The following INSL6 variants were observed in gnomAD, a reference collection of about 807,000 sequenced individuals.
INSL6 encodes the protein insulin-like peptide INSL6.
Under a neutral mutation model 9.4 loss-of-function variants are expected in INSL6, and 16 were observed. The observed-to-expected ratio is 1.70, with a 90% CI of 1.15 to 2.59. The LOEUF (loss-of-function observed/expected upper bound fraction) is 2.59. Ranked by LOEUF, INSL6 falls within the 30% of genes most tolerant of loss-of-function variation. INSL6 has a pLI of 0.00. For missense variants in INSL6, 391 were observed against 257.3 expected, an observed-to-expected ratio of 1.52 and a Z score of -3.56; for synonymous variants, 154 against 96.9, an observed-to-expected ratio of 1.59 and a Z score of -3.46.
At chr9:5,100,333 T>C in the INSL6 span, 1 of 152,222 alleles carries the variant, frequency 6.6e-6, no homozygotes, top group African/African-American at 2.4e-5. Context: ...GGCCTGGCCA[T>C]GTGATTTCAC....
chr9:5,034,465 C>A, the INSL6 span, among the ~76,000 whole-genome samples: 1 of 152,040 alleles, frequency 6.6e-6, no homozygotes, highest in Admixed American at 6.6e-5. Context: ...ACACCTATTC[C>A]AAAATTGACC....
At chr9:5,113,736 C>G in the INSL6 span, 1 of 167,168 alleles carries the variant, frequency 6.0e-6, no homozygotes, top group Non-Finnish European at 1.4e-5. Flanking sequence ...CTCACGCCCT[C>G]TGGCCATTAC....
intron 2 of INSL6, among the ~76,000 whole-genome samples, chr9:5,152,721 A>T (rs892162419): frequency 1.3e-5 from 2 of 152,218 alleles, no homozygotes; most frequent in African/African-American, 4.8e-5. Flanking sequence ...CAGTAAAGGC[A>T]AAAGGTGATG....
the INSL6 span, among the ~76,000 whole-genome samples, chr9:5,092,953 G>C: frequency 2.0e-5 from 3 of 152,100 alleles, no homozygotes; most frequent in Admixed American, 1.3e-4. Context: ...AAATAACATC[G>C]CCATAGTTGG....
At chr9:5,070,400 G>GA in the INSL6 span, among the ~76,000 whole-genome samples, 1,065 of 151,946 alleles carry the variant, frequency 7.0e-3, 10 homozygotes, top group African/African-American at 0.025. Flanking sequence ...AAGAAACTGA[G>GA]AAAAAAATCC....
chr9:5,092,639 C>G, the INSL6 span, among the ~76,000 whole-genome samples: 624 of 152,258 alleles, frequency 4.1e-3, 3 homozygotes, highest in African/African-American at 0.014. Context: ...GCCCTTATAC[C>G]TTCTGCATAA....
At chr9:5,078,460 AT>A in the INSL6 span, 1 of 1,601,062 alleles carries the variant, frequency 6.2e-7, no homozygotes, top group Middle Eastern at 1.7e-4. Context: ...TTCTAGAAGG[AT>A]TATATATAAT....
At chr9:4,993,810 G>C in the INSL6 span, among the ~76,000 whole-genome samples, 1 of 152,216 alleles carries the variant, frequency 6.6e-6, no homozygotes, top group African/African-American at 2.4e-5. Context: ...TGGATTCCTG[G>C]CTGGGGCCAC....
At chr9:5,067,783 T>C in the INSL6 span, among the ~76,000 whole-genome samples, 1 of 152,124 alleles carries the variant, frequency 6.6e-6, no homozygotes, top group African/African-American at 2.4e-5. Flanking sequence ...TTTTCAAATA[T>C]ACAAAAAATT....
chr9:5,110,782 G>C, the INSL6 span: 2 of 401,032 alleles, frequency 5.0e-6, no homozygotes, highest in South Asian at 4.0e-5. Flanking sequence ...AGTGGTAAGG[G>C]CCCGGGCCAC....
the INSL6 span, among the ~76,000 whole-genome samples, chr9:4,998,052 C>A: frequency 1.3e-5 from 2 of 152,082 alleles, no homozygotes; most frequent in Non-Finnish European, 2.9e-5. Context: ...CTGATTTAAA[C>A]AACTTCTAGA....
At position 5,158,793 on chromosome 9, in the gene INSL6, GA is replaced by G. The variant is rs1375530373; in HGVS notation, c.376+5385del. ...AGAAAAGGATGTTAATGACCAGGAA[GA>G]AATCATCTGAACATACAACACTAAC... On this transcript the variant is annotated intron_variant, in intron 2 of 3. Transcript: ENST00000649639. 2.6e-5 allele frequency among the ~76,000 whole-genome samples: 4 copies of G among 152,074 alleles called. No individual in the cohort carries two copies. The East Asian group carries it at 7.7e-4, about 29-fold the overall frequency.
At chr9:5,023,000 T>G in the INSL6 span, among the ~76,000 whole-genome samples, 2 of 149,686 alleles carry the variant, frequency 1.3e-5, no homozygotes, top group East Asian at 3.8e-4. Flanking sequence ...TAACTGTAAG[T>G]TGGAGGAAGC....
intron 1 of INSL6, among the ~76,000 whole-genome samples, chr9:5,184,885 A>G (rs1825533549): frequency 6.6e-6 from 1 of 152,142 alleles, no homozygotes; most frequent in Non-Finnish European, 1.5e-5. Flanking sequence ...TATCTTCTAC[A>G]AGGTTGGGCT....
At chr9:5,129,572 G>GT (rs1824210938) in intron 3 of INSL6, among the ~76,000 whole-genome samples, 1 of 152,064 alleles carries the variant, frequency 6.6e-6, no homozygotes, top group South Asian at 2.1e-4. Context: ...AATAGTAACA[G>GT]TAAGTCAGCA....
chr9:5,183,774 G>GA (rs368352633), intron 1 of INSL6, among the ~76,000 whole-genome samples: 29 of 146,106 alleles, frequency 2.0e-4, no homozygotes, highest in South Asian at 8.7e-4. Context: ...GAGTTTAAAA[G>GA]AAAAAAAAAA....
At chr9:5,175,603 C>G (rs767424051) in intron 1 of INSL6, among the ~76,000 whole-genome samples, 1 of 152,112 alleles carries the variant, frequency 6.6e-6, no homozygotes, top group Non-Finnish European at 1.5e-5. Context: ...AGTGGGCAGG[C>G]GAGCGAGCAA....
chr9:5,053,083 A>T, the INSL6 span, among the ~76,000 whole-genome samples: 1 of 152,130 alleles, frequency 6.6e-6, no homozygotes, highest in African/African-American at 2.4e-5. Flanking sequence ...TTTCAAAAGC[A>T]GCTGTGCCAC....
At chr9:5,089,878 G>T in the INSL6 span, 1 of 1,439,164 alleles carries the variant, frequency 6.9e-7, no homozygotes, top group South Asian at 1.7e-5. Context: ...GCTGCCCATT[G>T]AAACCTATTT....
Sources: allele counts gnomAD v4.1 joint callset (sites outside exome capture counted in the v4.1 genomes callset), GRCh38; gene constraint gnomAD v4.1.1; transcripts MANE v1.5; gene names NCBI Gene and HGNC (gene_info 2026-07-23, HGNC 2026-07-21).